The following DNAJC5 variants were observed in gnomAD, a reference collection of about 807,000 sequenced individuals.
The protein encoded by DNAJC5 is DnaJ heat shock protein family (Hsp40) member C5, also known as dnaJ homolog subfamily C member 5.
In DNAJC5, 1 loss-of-function variant was observed where a neutral mutation model predicts 23.2. The ratio of observed to expected loss-of-function variants is 0.04; its 90% CI spans 0.02 to 0.20. DNAJC5 has a LOEUF of 0.20. Ranked by LOEUF, DNAJC5 falls within the 10% of genes least tolerant of loss-of-function variation. The pLI is 1.00. For missense variants in DNAJC5, 180 were observed against 267.0 expected (o/e 0.67, Z 2.27); for synonymous variants, 136 against 120.0 (o/e 1.13, Z -0.87).
intron 1 of DNAJC5, among the ~76,000 whole-genome samples, chr20:63,914,521 G>A (rs774831937): frequency 3.3e-5 from 5 of 151,664 alleles, no homozygotes; most frequent in South Asian, 2.1e-4. Context: ...GTTTCACGAC[G>A]TTACCCAGGA....
chr20:63,932,563 C>T lies in DNAJC5; in HGVS notation c.*995C>T, dbSNP rs534697865. On this transcript the variant is annotated 3_prime_UTR_variant, in exon 5 of 5. Transcript: ENST00000360864. This position sits in a 1 kb window ranked among gnomAD's most constrained non-coding sequence, Gnocchi z 4.4. ...AGTAGATTGTGCATGTGTGAGCACC[C>T]AGCTACTGGGGACGGGGGCTCTCCC... 6.6e-6 allele frequency: 1 copy of T among 152,600 alleles called. No homozygotes were observed. The highest frequency in any genetic ancestry group is 1.9e-4 in the East Asian group (1 of 5,332). 9.5% of individuals were successfully genotyped at this position (152,600 alleles called of 1,614,324 possible).
rs34309020 is a variant in DNAJC5 at position 63,902,358 on chromosome 20, C to CTTT, written c.-12+7057_-12+7059dup. On this transcript the variant is annotated intron_variant, in intron 1 of 4. Coordinates refer to ENST00000360864, the MANE Select transcript of DNAJC5 (RefSeq NM_025219.3). ...CGTGAGCCACTGCTCCTGGCCTCAT[C>CTTT]TTTTTTTTTTTTTTTTTTTTTTTTG... Among the ~76,000 whole-genome samples the CTTT allele has an allele frequency of 2.1e-3, 179 of 83,316 alleles. 1 individual carries two copies. Among genetic ancestry groups the CTTT allele is most frequent in the Middle Eastern group, 8.2e-3 (1 of 122 alleles). The allele number at this position is 83,316 out of a possible 152,430, so 54.7% of individuals were successfully genotyped here.
intron 1 of DNAJC5, among the ~76,000 whole-genome samples, chr20:63,914,952 C>T (rs1021780509): frequency 2.0e-5 from 3 of 152,130 alleles, no homozygotes; most frequent in East Asian, 1.9e-4. Flanking sequence ...TGGAAATGGC[C>T]TCAGATAATT....
Position 63,931,803 on chromosome 20 carries a change from T to C in DNAJC5, c.*235T>C, listed in dbSNP as rs1039551816. 6.0e-5 allele frequency: 35 copies of C among 578,914 alleles called. 1 individual carries two copies. The highest frequency in any genetic ancestry group is 5.6e-4 in the African/African-American group (30 of 53,494). 35.9% of individuals were successfully genotyped at this position (578,914 alleles called of 1,614,324 possible). On this transcript the variant is annotated 3_prime_UTR_variant, in exon 5 of 5. Coordinates refer to ENST00000360864, the MANE Select transcript of DNAJC5 (RefSeq NM_025219.3). This position sits in a 1 kb window ranked among gnomAD's most constrained non-coding sequence, Gnocchi z 9.6. Reference sequence around the variant, plus strand: ...TGTTTTTTTCCCTTTTTTAATAGCATGTATGGGGTTCTGTTCCATGTCTGT... The same window carrying C: ...TGTTTTTTTCCCTTTTTTAATAGCACGTATGGGGTTCTGTTCCATGTCTGT...
rs528268505 is a variant in DNAJC5 at position 63,920,425 on chromosome 20, G to T, written c.-11-7910G>T. Among the ~76,000 whole-genome samples the T allele has an allele frequency of 2.9e-5, 4 of 135,880 alleles. No homozygotes were observed. The highest frequency in any genetic ancestry group is 1.3e-4 in the African/African-American group (4 of 31,906). The allele number at this position is 135,880 out of a possible 152,430, so 89.1% of individuals were successfully genotyped here. A position where few individuals can be genotyped will look rare whatever the true frequency, so the allele number is the denominator to read the frequency against. On this transcript the variant is annotated intron_variant, in intron 1 of 4. Transcript: ENST00000360864. This position sits in a 1 kb window ranked among gnomAD's most constrained non-coding sequence, Gnocchi z 4.6. Reference sequence around the variant, plus strand: ...CTCTCGTCCGCCAACGTCTGGTGGGGATGCCCGCCATGCGGGGGCCTCAGG... The same window carrying T: ...CTCTCGTCCGCCAACGTCTGGTGGGTATGCCCGCCATGCGGGGGCCTCAGG...
intron 1 of DNAJC5, among the ~76,000 whole-genome samples, chr20:63,907,936 T>A (rs962045363): frequency 6.6e-6 from 1 of 152,094 alleles, no homozygotes; most frequent in East Asian, 1.9e-4. Context: ...CCTGGCTAAT[T>A]TTTGTATTTT....
At chr20:63,900,218 G>C (rs1434744974) in intron 1 of DNAJC5, among the ~76,000 whole-genome samples, 2 of 152,120 alleles carry the variant, frequency 1.3e-5, no homozygotes, top group African/African-American at 4.8e-5. Context: ...CTGGACTCAA[G>C]TGATCGTCCA....
chr20:63,921,810 A>C (rs1211239106), intron 1 of DNAJC5, among the ~76,000 whole-genome samples: 1 of 151,594 alleles, frequency 6.6e-6, no homozygotes, highest in Admixed American at 6.6e-5. Context: ...ACAGGGTCTC[A>C]CTCTGTCACC....
intron 1 of DNAJC5, among the ~76,000 whole-genome samples, chr20:63,899,726 C>T (rs889690443): frequency 2.6e-5 from 4 of 151,868 alleles, no homozygotes; most frequent in African/African-American, 4.8e-5. Flanking sequence ...GGACTACAGG[C>T]GGTCGCCACC....
chr20:63,906,913 G>C (rs1208680461), intron 1 of DNAJC5, among the ~76,000 whole-genome samples: 1 of 152,102 alleles, frequency 6.6e-6, no homozygotes, highest in Non-Finnish European at 1.5e-5. Flanking sequence ...CCTAGCCTGG[G>C]CAACTTAGGG....
intron 1 of DNAJC5, among the ~76,000 whole-genome samples, chr20:63,899,930 C>T (rs2053401133): frequency 6.8e-6 from 1 of 146,298 alleles, no homozygotes; most frequent in Non-Finnish European, 1.5e-5. Context: ...ACTCTGTCAC[C>T]CAGGCTTGAG....
intron 1 of DNAJC5, among the ~76,000 whole-genome samples, chr20:63,910,825 A>G (rs1320761296): frequency 1.3e-5 from 2 of 151,870 alleles, no homozygotes; most frequent in Non-Finnish European, 2.9e-5. Context: ...GGTGCCCGCC[A>G]CCACACCCGG....
At chr20:63,925,802 AT>A (rs1261270434) in intron 1 of DNAJC5, among the ~76,000 whole-genome samples, 3 of 150,722 alleles carry the variant, frequency 2.0e-5, no homozygotes, top group African/African-American at 7.3e-5. Flanking sequence ...TAAAAAAAAA[AT>A]CTGGGCCTGG....
chr20:63,901,871 A>G (rs1051562873), intron 1 of DNAJC5, among the ~76,000 whole-genome samples: 4 of 152,138 alleles, frequency 2.6e-5, no homozygotes, highest in Admixed American at 6.6e-5. Flanking sequence ...ATCTCTTGCC[A>G]AGTTCGTAGC....
In DNAJC5 at chr20:63,910,658, G is replaced by A. The variant is rs117115549; in HGVS notation, c.-12+15335G>A. Among the ~76,000 whole-genome samples, 210 of 148,344 alleles carry A rather than the reference G, an allele frequency of 1.4e-3. 1 individual carries two copies. In the East Asian group the frequency reaches 0.027, roughly 19 times the overall value. ...TGGATAACCTGCTCTCCAAGTAATA[G>A]GGTTTTGAGAATGTTTTTTTTTTTT... On this transcript the variant is annotated intron_variant, in intron 1 of 4. Coordinates refer to ENST00000360864, the MANE Select transcript of DNAJC5 (RefSeq NM_025219.3).
intron 1 of DNAJC5, among the ~76,000 whole-genome samples, chr20:63,925,281 C>G (rs551764676): frequency 6.6e-6 from 1 of 152,158 alleles, no homozygotes; most frequent in Middle Eastern, 3.2e-3. Flanking sequence ...GTCAGGAGTT[C>G]AAGACCATCC....
intron 1 of DNAJC5, among the ~76,000 whole-genome samples, chr20:63,927,535 T>G (rs1039300057): frequency 3.6e-5 from 5 of 138,476 alleles, no homozygotes. Flanking sequence ...AGCAAAACTG[T>G]CCCCCCCCCC....
At chr20:63,916,392 C>T (rs570315657) in intron 1 of DNAJC5, among the ~76,000 whole-genome samples, 9 of 152,210 alleles carry the variant, frequency 5.9e-5, no homozygotes, top group Non-Finnish European at 1.3e-4. Flanking sequence ...TCGGTAGGGC[C>T]GCGATGCCCG....
rs1385066905 is a variant in DNAJC5, at chr20:63,935,068, G to A, written c.*3500G>A. 2.0e-5 allele frequency: 3 copies of A among 152,232 alleles called. No individual in the cohort carries two copies. In the East Asian group the frequency reaches 5.8e-4, roughly 29 times the overall value. 9.4% of individuals were successfully genotyped at this position (152,232 alleles called of 1,614,324 possible). A position where few individuals can be genotyped will look rare whatever the true frequency, so the allele number is the denominator to read the frequency against. ...CCCCTGTGGCGCAGGACTGGCCTGT[G>A]TCTGTTATTTTGGTTGTAAATCATT... is the stretch of plus-strand genomic sequence containing the variant. On this transcript the variant is annotated 3_prime_UTR_variant, in exon 5 of 5. Transcript: ENST00000360864.
Sources: allele counts gnomAD v4.1 joint callset (sites outside exome capture counted in the v4.1 genomes callset), GRCh38; gene constraint gnomAD v4.1.1; non-coding constraint Gnocchi (gnomAD v3.1); transcripts MANE v1.5; gene names NCBI Gene and HGNC (gene_info 2026-07-23, HGNC 2026-07-21).